The following NFIX variants were observed in gnomAD, a reference collection of about 807,000 sequenced individuals.
NFIX encodes nuclear factor I X.
Under a neutral mutation model 53.3 loss-of-function variants are expected in NFIX, and 2 were observed. That is an observed-to-expected ratio of 0.04 (90% CI 0.02 to 0.12). NFIX has a LOEUF of 0.12. NFIX is among the 10% of genes least tolerant of loss of function. The pLI is 1.00. For synonymous variants in NFIX, 244 were observed against 289.0 expected, an observed-to-expected ratio of 0.84 and a Z score of 1.58; for missense variants, 310 against 674.5, an observed-to-expected ratio of 0.46 and a Z score of 5.99.
intron 2 of NFIX, among the ~76,000 whole-genome samples, chr19:13,034,881 A>G (rs771322247): frequency 2.2e-4 from 33 of 152,158 alleles, no homozygotes; most frequent in Non-Finnish European, 4.3e-4. Flanking sequence ...CTTACCTCTC[A>G]CCATTGATAT....
chr19:13,091,910 C>T (rs905228923), intron 10 of NFIX, among the ~76,000 whole-genome samples: 4 of 152,236 alleles, frequency 2.6e-5, no homozygotes, highest in Non-Finnish European at 4.4e-5. Context: ...TTTGCTTGGA[C>T]GTTTGGGGGC....
intron 2 of NFIX, among the ~76,000 whole-genome samples, chr19:13,033,082 G>A: frequency 6.6e-6 from 1 of 152,158 alleles, no homozygotes; most frequent in Non-Finnish European, 1.5e-5. Context: ...GGGGGGCTGA[G>A]AGATAGATAA....
rs537850969 is a variant in NFIX, at chr19:13,067,881, G to A, written c.560-5166G>A. Among the ~76,000 whole-genome samples, 8 of 152,086 alleles carry A rather than the reference G, an allele frequency of 5.3e-5. No individual in the cohort carries two copies. The South Asian group carries it at 6.2e-4, about 12-fold the overall frequency. On this transcript the variant is annotated intron_variant, in intron 2 of 10. Transcript: ENST00000592199. This position sits in a 1 kb window ranked among gnomAD's most constrained non-coding sequence, Gnocchi z 4.2. Reference sequence around the variant, plus strand: ...AGCACTTTGGGAGGCTGAGACGGGCGGATCACCAGGTCAGGAGATCGAGAC... The same window carrying A: ...AGCACTTTGGGAGGCTGAGACGGGCAGATCACCAGGTCAGGAGATCGAGAC...
Position 13,013,301 on chromosome 19 carries a change from C to G in NFIX, c.28-11720C>G, listed in dbSNP as rs185212521. ...TGTTGGTGGAGGAGGAAGCTGGCGT[C>G]GGGCTGAAGTCCCCCGAGCCACCCC... On this transcript the variant is annotated intron_variant, in intron 1 of 10. Transcript: ENST00000592199. This position sits in a 1 kb window ranked among gnomAD's most constrained non-coding sequence, Gnocchi z 5.9. Among the ~76,000 whole-genome samples, 1 of 152,170 alleles carries G rather than the reference C, an allele frequency of 6.6e-6. No individual in the cohort carries two copies. The highest frequency in any genetic ancestry group is 1.5e-5 in the Non-Finnish European group (1 of 68,032).
At position 13,064,193 on chromosome 19, in the gene NFIX, C is replaced by T. The variant is rs146749598; in HGVS notation, c.560-8854C>T. ...GGATAGAAGCTTCAGGGGCTGGGGGCCGCTTGCCTGGACCCCACCATCACA... is the reference window on the plus strand; with the variant it reads ...GGATAGAAGCTTCAGGGGCTGGGGGTCGCTTGCCTGGACCCCACCATCACA... On this transcript the variant is annotated intron_variant, in intron 2 of 10. Coordinates refer to ENST00000592199, the MANE Select transcript of NFIX (RefSeq NM_001365902.3). Among the ~76,000 whole-genome samples the T allele has an allele frequency of 4.9e-3, 739 of 152,298 alleles. 4 individuals carry two copies. Among genetic ancestry groups the T allele is most frequent in the Middle Eastern group, 0.017 (5 of 294 alleles).
In NFIX at chr19:13,090,256, A is replaced by C. The variant is rs764251422; in HGVS notation, c.1403-43A>C. ...GAGGGGCAGTGCCCAGGTGGGCCCC[A>C]AGGCCTGACAGGGTCTCTCCCTCTC... On this transcript the variant is annotated intron_variant, in intron 9 of 10. Transcript: ENST00000592199. This position sits in a 1 kb window ranked among gnomAD's most constrained non-coding sequence, Gnocchi z 6.6. 2.5e-6 allele frequency: 4 copies of C among 1,595,388 alleles called. No individual in the cohort carries two copies. The highest frequency in any genetic ancestry group is 3.4e-6 in the Non-Finnish European group (4 of 1,163,268).
rs907362171 is a variant in NFIX, at chr19:13,076,278, T to C, written c.955+607T>C. Among the ~76,000 whole-genome samples the C allele has an allele frequency of 5.3e-5, 8 of 152,102 alleles. No homozygotes were observed. In the East Asian group the frequency reaches 1.5e-3, roughly 29 times the overall value. ...CTAGTGAAGAATGAGCAGAGTCCTT[T>C]TGAGACCAGGTAGGGAAGCTAGCGA... On this transcript the variant is annotated intron_variant, in intron 6 of 10. Transcript: ENST00000592199.
Position 13,025,452 on chromosome 19 carries a change from G to T in NFIX, c.459G>T (p.Ser153=), listed in dbSNP as rs776373141. Residue 153 remains serine, a synonymous_variant, in exon 2 of 11, where the codon TCG becomes TCT. Transcript: ENST00000592199. The surrounding 1 kb of genome is among the most constrained non-coding windows in gnomAD (Gnocchi z 7.5). ...CTGATGGGGAGCGGCTCTACAAGTC[G>T]CCTCAGTGCTCGAACCCCGGCCTGT... ...ESTDGERLYK[S]PQCSNPGLCV... 5 of 1,614,044 alleles carry T rather than the reference G, an allele frequency of 3.1e-6. No individual in the cohort carries two copies. The East Asian group carries it at 6.7e-5, about 22-fold the overall frequency.
In NFIX at chr19:12,996,656, G is replaced by A. The variant is rs1411982214; in HGVS notation, c.27+792G>A. On this transcript the variant is annotated intron_variant, in intron 1 of 10. Transcript: ENST00000592199. The surrounding 1 kb of genome is among the most constrained non-coding windows in gnomAD (Gnocchi z 5.2). ...GGCCCCAGCGACCCGGGCTGCTGCG[G>A]AGTGGACCCGGCAGGCCTGGGGAAT... Among the ~76,000 whole-genome samples, 1 of 152,180 alleles carries A rather than the reference G, an allele frequency of 6.6e-6. No homozygotes were observed. The highest frequency in any genetic ancestry group is 1.5e-5 in the Non-Finnish European group (1 of 68,030).
chr19:13,057,042 C>T (rs1240515552), intron 2 of NFIX, among the ~76,000 whole-genome samples: 2 of 152,166 alleles, frequency 1.3e-5, no homozygotes, highest in East Asian at 1.9e-4. Context: ...GGGAGGAGGG[C>T]TATGAGGGGA....
chr19:13,073,939 C>T lies in NFIX; in HGVS notation c.731C>T (p.Ser244Phe). The change falls in exon 5 of 11, where the codon TCC becomes TTC. Residue 244 changes from serine to phenylalanine, a missense_variant. Ser to Phe is a radical substitution (Grantham distance 155, BLOSUM62 -2). This residue lies in a region of NFIX where 164 missense variants were observed against 284.4 expected (regional missense o/e 0.58). Coordinates refer to ENST00000592199, the MANE Select transcript of NFIX (RefSeq NM_001365902.3). The surrounding 1 kb of genome is among the most constrained non-coding windows in gnomAD (Gnocchi z 4.5). ...GCAACAGCATCAGGGCCCAACTTCTCCCTGGCGGACCTGGAGAGTCCCAGC... is the reference window on the plus strand; with the variant it reads ...GCAACAGCATCAGGGCCCAACTTCTTCCTGGCGGACCTGGAGAGTCCCAGC... ...PVATASGPNF[S>F]LADLESPSYY... 1.2e-6 allele frequency: 2 copies of T among 1,614,006 alleles called. No individual in the cohort carries two copies. The highest frequency in any genetic ancestry group is 1.7e-6 in the Non-Finnish European group (2 of 1,179,868).
Position 13,089,335 on chromosome 19 carries a change from C to A in NFIX, c.1403-964C>A, listed in dbSNP as rs1282808870. ...TAACCTGTGACACTCCTTGCCTCCT[C>A]TGGGGGCATCTTCCCTTCTGGGGGT... On this transcript the variant is annotated intron_variant, in intron 9 of 10. Coordinates refer to ENST00000592199, the MANE Select transcript of NFIX (RefSeq NM_001365902.3). The surrounding 1 kb of genome is among the most constrained non-coding windows in gnomAD (Gnocchi z 4.8). Among the ~76,000 whole-genome samples the A allele has an allele frequency of 1.3e-5, 2 of 152,188 alleles. No homozygotes were observed. The highest frequency in any genetic ancestry group is 3.9e-4 in the East Asian group (2 of 5,192).
In NFIX at chr19:13,067,493, T is replaced by C. The variant is rs1233077648; in HGVS notation, c.560-5554T>C. 6.6e-6 allele frequency among the ~76,000 whole-genome samples: 1 copy of C among 151,622 alleles called. No homozygotes were observed. Among genetic ancestry groups the C allele is most frequent in the South Asian group, 2.1e-4 (1 of 4,802 alleles). On this transcript the variant is annotated intron_variant, in intron 2 of 10. Transcript: ENST00000592199. This position sits in a 1 kb window ranked among gnomAD's most constrained non-coding sequence, Gnocchi z 4.2. ...GTGTGTGTGTGTGTGCGTGTGTGTG[T>C]GTGTGTGTGTGTATGTGTGTGTCTG...
rs2017509754 is a variant in NFIX, at chr19:13,082,143, T to G, written c.1254+288T>G. ...ATGGTCCTTGCCCCCTCAGCAGGAG[T>G]GAACTCATGATGATCCAACCCGGAT... On this transcript the variant is annotated intron_variant, in intron 8 of 10. Coordinates refer to ENST00000592199, the MANE Select transcript of NFIX (RefSeq NM_001365902.3). 1.9e-5 allele frequency: 8 copies of G among 419,362 alleles called. No individual in the cohort carries two copies. In the East Asian group the frequency reaches 3.1e-4, roughly 16 times the overall value. 26.0% of individuals were successfully genotyped at this position (419,362 alleles called of 1,614,324 possible). A position where few individuals can be genotyped will look rare whatever the true frequency, so the allele number is the denominator to read the frequency against.
In NFIX at chr19:12,996,221, G is replaced by T. The variant is rs537527994; in HGVS notation, c.27+357G>T. The stretch of plus-strand genomic sequence containing the variant: ...CAGCGGGACTCCGGCTGACCTGTGG[G>T]CTACTGTAGCGCGCACCCGGGCAGC... On this transcript the variant is annotated intron_variant, in intron 1 of 10. Transcript: ENST00000592199. This position sits in a 1 kb window ranked among gnomAD's most constrained non-coding sequence, Gnocchi z 5.2. 3.2e-4 allele frequency among the ~76,000 whole-genome samples: 48 copies of T among 152,104 alleles called. No homozygotes were observed. The highest frequency in any genetic ancestry group is 7.2e-4 in the Admixed American group (11 of 15,290).
intron 2 of NFIX, among the ~76,000 whole-genome samples, chr19:13,056,279 G>A (rs779918513): frequency 5.9e-5 from 9 of 152,182 alleles, no homozygotes; most frequent in South Asian, 2.1e-4. Flanking sequence ...TCTGCCTCAC[G>A]GGGAGGAGCT....
Position 13,002,923 on chromosome 19 carries a change from G to A in NFIX, c.27+7059G>A, listed in dbSNP as rs1439931926. On this transcript the variant is annotated intron_variant, in intron 1 of 10. Coordinates refer to ENST00000592199, the MANE Select transcript of NFIX (RefSeq NM_001365902.3). This position sits in a 1 kb window ranked among gnomAD's most constrained non-coding sequence, Gnocchi z 6.1. ...CCTGGCACAGATCGGGCAAGAGCGG[G>A]GATCTGTCTGTCCCCACCTGAATCT... Among the ~76,000 whole-genome samples the A allele has an allele frequency of 6.6e-6, 1 of 152,150 alleles. No homozygotes were observed.
intron 8 of NFIX, among the ~76,000 whole-genome samples, chr19:13,083,006 G>C (rs1394335130): frequency 1.3e-5 from 2 of 152,174 alleles, no homozygotes; most frequent in African/African-American, 4.8e-5. Flanking sequence ...CTGTCCCTAA[G>C]GGAAGCCAGT....
At chr19:13,086,774 G>T (rs1405527218) in intron 8 of NFIX, among the ~76,000 whole-genome samples, 1 of 152,192 alleles carries the variant, frequency 6.6e-6, no homozygotes, top group Non-Finnish European at 1.5e-5. Context: ...GGACACTGAG[G>T]GTCCTGAGCT....
Sources: allele counts gnomAD v4.1 joint callset (sites outside exome capture counted in the v4.1 genomes callset), GRCh38; gene constraint gnomAD v4.1.1; regional missense constraint gnomAD v4.1.1; non-coding constraint Gnocchi (gnomAD v3.1); transcripts MANE v1.5; gene names NCBI Gene and HGNC (gene_info 2026-07-23, HGNC 2026-07-21).